Variants in LARP4B observed in about 807,000 individuals in gnomAD.
LARP4B encodes the protein La ribonucleoprotein 4B.
In LARP4B, 12 loss-of-function variants were observed where a neutral mutation model predicts 89.8. The ratio of observed to expected loss-of-function variants is 0.13; its 90% CI spans 0.09 to 0.22. The LOEUF (loss-of-function observed/expected upper bound fraction) is 0.22. Among genes scored for constraint, LARP4B ranks in the 10% least tolerant of loss-of-function variants. The pLI, the probability that LARP4B is intolerant of heterozygous loss-of-function variation, is 1.00. For missense variants in LARP4B, 757 were observed against 947.7 expected, an observed-to-expected ratio of 0.80 and a Z score of 2.64; for synonymous variants, 367 against 363.3, an observed-to-expected ratio of 1.01 and a Z score of -0.12.
chr10:886,430 C>G (rs779955078), intron 1 of LARP4B, among the ~76,000 whole-genome samples: 16 of 152,112 alleles, frequency 1.1e-4, no homozygotes, highest in Non-Finnish European at 2.2e-4. Flanking sequence ...ATAGAACTAC[C>G]ATATTATCCT....
chr10:856,023 G>C (rs943050171), intron 5 of LARP4B, among the ~76,000 whole-genome samples: 1 of 152,164 alleles, frequency 6.6e-6, no homozygotes, highest in Non-Finnish European at 1.5e-5. Context: ...TGCACAAAAT[G>C]AAAATAACTT....
At chr10:915,289 G>C (rs999577482) in intron 1 of LARP4B, among the ~76,000 whole-genome samples, 1 of 148,910 alleles carries the variant, frequency 6.7e-6, no homozygotes, top group African/African-American at 2.5e-5. Context: ...GTCTCCAGGG[G>C]AAAAAAAAAT....
the LARP4B span, among the ~76,000 whole-genome samples, chr10:975,980 AG>A: frequency 6.9e-6 from 1 of 144,544 alleles, no homozygotes; most frequent in Non-Finnish European, 1.5e-5. Context: ...AGTAGAAGGT[AG>A]GCCTGTCACG....
intron 13 of LARP4B, among the ~76,000 whole-genome samples, chr10:824,475 G>C (rs572156186): frequency 6.6e-6 from 1 of 151,932 alleles, no homozygotes; most frequent in Non-Finnish European, 1.5e-5. Flanking sequence ...CCTGGGCAAC[G>C]GAGTGAGACC....
At chr10:865,917 T>C (rs762179721) in intron 3 of LARP4B, among the ~76,000 whole-genome samples, 1 of 152,154 alleles carries the variant, frequency 6.6e-6, no homozygotes, top group African/African-American at 2.4e-5. Flanking sequence ...GCATGCAGCA[T>C]AGACACACCA....
the LARP4B span, among the ~76,000 whole-genome samples, chr10:938,502 C>T: frequency 6.6e-6 from 1 of 152,144 alleles, no homozygotes; most frequent in South Asian, 2.1e-4. Context: ...ATCCGCCCGC[C>T]TCGGCCTCCC....
the LARP4B span, among the ~76,000 whole-genome samples, chr10:974,464 T>G: frequency 1.3e-5 from 2 of 152,234 alleles, no homozygotes; most frequent in Non-Finnish European, 2.9e-5. Context: ...GCCTGTGTGC[T>G]CTCAGCTTCC....
At chr10:906,247 C>G (rs1470571012) in intron 1 of LARP4B, among the ~76,000 whole-genome samples, 1 of 152,284 alleles carries the variant, frequency 6.6e-6, no homozygotes, top group East Asian at 1.9e-4. Context: ...AGTTTTTATC[C>G]TTATTTTCAT....
chr10:935,964 G>C (rs542564521), upstream of LARP4B, among the ~76,000 whole-genome samples: 1 of 151,096 alleles, frequency 6.6e-6, no homozygotes, highest in South Asian at 2.1e-4. Context: ...GGCTGGTCTC[G>C]AACTCCTGAC....
At chr10:912,973 T>G (rs1836712236) in intron 1 of LARP4B, among the ~76,000 whole-genome samples, 1 of 152,200 alleles carries the variant, frequency 6.6e-6, no homozygotes, top group South Asian at 2.1e-4. Flanking sequence ...CTCAAGCCAC[T>G]ATAAACTTTT....
intron 11 of LARP4B, among the ~76,000 whole-genome samples, chr10:826,354 A>C (rs542973007): frequency 2.0e-4 from 31 of 152,170 alleles, no homozygotes; most frequent in South Asian, 2.1e-4. Flanking sequence ...ACCCCGACAC[A>C]AGTCCTGCTC....
the LARP4B span, among the ~76,000 whole-genome samples, chr10:944,996 A>G: frequency 5.9e-5 from 9 of 152,330 alleles, no homozygotes; most frequent in South Asian, 2.1e-4. Flanking sequence ...TGGATTTTAA[A>G]ATGTTTCCAA....
intron 3 of LARP4B, among the ~76,000 whole-genome samples, chr10:876,965 C>T (rs1206267981): frequency 1.3e-5 from 2 of 152,172 alleles, no homozygotes; most frequent in Admixed American, 1.3e-4. Flanking sequence ...CTTGTACCTT[C>T]TGGAGCCGCA....
chr10:828,468 CT>C (rs1292089634), intron 11 of LARP4B, among the ~76,000 whole-genome samples: 1 of 152,204 alleles, frequency 6.6e-6, no homozygotes, highest in Non-Finnish European at 1.5e-5. Context: ...CAAGTTCTCT[CT>C]GCTCTGCACC....
intron 3 of LARP4B, among the ~76,000 whole-genome samples, chr10:867,598 T>C (rs560845117): frequency 6.6e-6 from 1 of 152,276 alleles, no homozygotes; most frequent in South Asian, 2.1e-4. Context: ...TGGTGGCTTA[T>C]GCCTGCGATC....
At chr10:877,975 T>A (rs1835522379) in intron 3 of LARP4B, among the ~76,000 whole-genome samples, 1 of 152,066 alleles carries the variant, frequency 6.6e-6, no homozygotes, top group African/African-American at 2.4e-5. Flanking sequence ...TGCGGATAGA[T>A]GGGGCTCGCT....
intron 13 of LARP4B, 24 bp from the exon 14 acceptor site, chr10:820,869 C>G (rs1564381517): frequency 6.2e-7 from 1 of 1,608,516 alleles, no homozygotes; most frequent in Admixed American, 1.7e-5. Context: ...AAGTGAAAGA[C>G]TGTTATTTTT....
At chr10:815,173 A>C in intron 15 of LARP4B, 103 bp from the exon 16 acceptor site, 1 of 1,360,730 alleles carries the variant, frequency 7.3e-7, no homozygotes, top group Non-Finnish European at 9.8e-7. Flanking sequence ...GGAGAGCAGC[A>C]CAAGGACATA....
chr10:952,325 G>A, the LARP4B span, among the ~76,000 whole-genome samples: 1 of 126,130 alleles, frequency 7.9e-6, no homozygotes, highest in African/African-American at 3.1e-5. Flanking sequence ...GGGTGACAGA[G>A]CGAGACTCCA....
Sources: gnomAD v4.1 joint callset for allele counts (sites outside exome capture counted in the v4.1 genomes callset) on GRCh38, gnomAD v4.1.1 for gene constraint, MANE v1.5 for transcripts, NCBI Gene and HGNC (gene_info 2026-07-23, HGNC 2026-07-21) for gene names.